Variants in ATP13A5 observed in about 807,000 individuals in gnomAD.
The protein encoded by ATP13A5 is probable cation-transporting ATPase 13A5.
ATP13A5 carries 149 observed loss-of-function variants against 150.2 expected under a neutral mutation model. The ratio of observed to expected loss-of-function variants is 0.99; its 90% CI spans 0.87 to 1.14. The LOEUF is 1.14. ATP13A5 is among the 50% of genes most tolerant of loss of function. ATP13A5 has a pLI of 0.00. For synonymous variants in ATP13A5, 497 were observed against 522.2 expected (o/e 0.95, Z 0.66); for missense variants, 1,383 against 1,449.3 (o/e 0.95, Z 0.74).
intron 26 of ATP13A5, among the ~76,000 whole-genome samples, chr3:193,288,977 C>T (rs181894830): frequency 6.3e-4 from 96 of 152,194 alleles, no homozygotes; most frequent in Non-Finnish European, 1.2e-3. Flanking sequence ...AGTATATGCA[C>T]TCCAATTTTG....
intron 7 of ATP13A5, among the ~76,000 whole-genome samples, chr3:193,347,986 C>T (rs892490715): frequency 6.6e-5 from 10 of 152,286 alleles, no homozygotes; most frequent in Non-Finnish European, 1.3e-4. Flanking sequence ...TCTGTGGATT[C>T]CTCTAGAGCC....
At chr3:193,314,305 T>C (rs777288084) in intron 18 of ATP13A5, 112 bp from the exon 19 acceptor site, 2 of 1,198,844 alleles carry the variant, frequency 1.7e-6, no homozygotes. Context: ...ATTTACCGCT[T>C]TCTGCCTTAT....
intron 25 of ATP13A5, among the ~76,000 whole-genome samples, chr3:193,295,771 A>G (rs960109873): frequency 6.6e-6 from 1 of 152,174 alleles, no homozygotes; most frequent in Non-Finnish European, 1.5e-5. Context: ...TTATTTAACT[A>G]TAAGCATGTC....
chr3:193,293,629 G>A (rs1047965963), intron 25 of ATP13A5, among the ~76,000 whole-genome samples: 8 of 152,088 alleles, frequency 5.3e-5, no homozygotes, highest in South Asian at 4.2e-4. Flanking sequence ...TGGCTATCTC[G>A]TAGTTGTGTT....
In ATP13A5 at chr3:193,374,460, T is replaced by C. The variant is rs143100434; in HGVS notation, c.63+4203A>G. ...GAGTTTGAGACCAGCCTGGAAAACG[T>C]AGGGAGACCTCGTCTCTACTGAAAT... On this transcript the variant is annotated intron_variant, in intron 1 of 29. Coordinates refer to ENST00000342358, the MANE Select transcript of ATP13A5 (RefSeq NM_198505.4). Among the ~76,000 whole-genome samples the C allele has an allele frequency of 7.6e-3, 1,157 of 152,196 alleles. 18 individuals carry two copies. Among genetic ancestry groups the C allele is most frequent in the African/African-American group, 0.027 (1,102 of 41,538 alleles).
intron 29 of ATP13A5, 127 bp from the exon 30 acceptor site, chr3:193,275,429 A>G (rs763241420): frequency 2.2e-4 from 241 of 1,077,996 alleles, no homozygotes; most frequent in Non-Finnish European, 2.9e-4. Flanking sequence ...TGTTGCATCT[A>G]CCTCTCCTTT....
intron 17 of ATP13A5, among the ~76,000 whole-genome samples, chr3:193,315,444 A>G (rs1185663812): frequency 3.9e-5 from 6 of 152,132 alleles, no homozygotes; most frequent in African/African-American, 1.2e-4. Context: ...TGAGCTTGCA[A>G]TCGTTTCAGT....
In ATP13A5 at chr3:193,307,239, G is replaced by C. The variant is rs575159089; in HGVS notation, c.2568+88C>G. 2.8e-5 allele frequency: 45 copies of C among 1,602,900 alleles called. No homozygotes were observed. In the South Asian group the frequency reaches 4.4e-4, roughly 16 times the overall value. ...ATAATCAAATGGTTGCTGGTGGAAG[G>C]ATGAAGAGACAAACCCCAGGAGAGC... On this transcript the variant is annotated intron_variant, in intron 22 of 29. Coordinates refer to ENST00000342358, the MANE Select transcript of ATP13A5 (RefSeq NM_198505.4).
chr3:193,328,752 T>C (rs575613084), intron 12 of ATP13A5, among the ~76,000 whole-genome samples: 5 of 151,858 alleles, frequency 3.3e-5, no homozygotes, highest in African/African-American at 4.8e-5. Context: ...AACAAACCAA[T>C]AGAAAATAGA....
intron 16 of ATP13A5, among the ~76,000 whole-genome samples, chr3:193,319,870 A>G (rs921406388): frequency 2.0e-5 from 3 of 152,308 alleles, no homozygotes; most frequent in Middle Eastern, 3.4e-3. Context: ...TTGATTGTTC[A>G]TTGTCTATGG....
chr3:193,363,003 T>C (rs975779152), intron 3 of ATP13A5, among the ~76,000 whole-genome samples: 2 of 152,102 alleles, frequency 1.3e-5, no homozygotes, highest in Non-Finnish European at 2.9e-5. Flanking sequence ...GGTTTTGCCA[T>C]GTTTCCCAGG....
intron 26 of ATP13A5, among the ~76,000 whole-genome samples, chr3:193,289,078 T>C (rs1389035452): frequency 1.3e-5 from 2 of 152,180 alleles, no homozygotes; most frequent in Non-Finnish European, 2.9e-5. Flanking sequence ...AATCTGATCA[T>C]TTGCTAGTTT....
intron 16 of ATP13A5, among the ~76,000 whole-genome samples, chr3:193,319,883 G>T (rs1468581337): frequency 6.6e-6 from 1 of 152,078 alleles, no homozygotes; most frequent in Non-Finnish European, 1.5e-5. Context: ...GTCTATGGCT[G>T]CTTTAAGGCT....
chr3:193,350,988 G>T (rs1237184621), intron 7 of ATP13A5, 79 bp downstream of exon 7: 6 of 1,513,654 alleles, frequency 4.0e-6, no homozygotes, highest in Non-Finnish European at 4.5e-6. Flanking sequence ...AGCAACTCCT[G>T]GCTCTCAGTG....
chr3:193,308,364 C>A (rs1341631520), intron 21 of ATP13A5, among the ~76,000 whole-genome samples: 1 of 152,070 alleles, frequency 6.6e-6, no homozygotes, highest in Non-Finnish European at 1.5e-5. Context: ...GAGGCTGAGG[C>A]AGGGGGATTG....
chr3:193,274,989 T>A lies in ATP13A5; in HGVS notation c.*53A>T. ...AGTATCATCACTTCTCCACAATGTG[T>A]TAATTTTGGGGAAAAAAGCAATGCT... On this transcript the variant is annotated 3_prime_UTR_variant, in exon 30 of 30. Coordinates refer to ENST00000342358, the MANE Select transcript of ATP13A5 (RefSeq NM_198505.4). 2 of 1,598,430 alleles carry A rather than the reference T, an allele frequency of 1.3e-6. No individual in the cohort carries two copies. Among genetic ancestry groups the A allele is most frequent in the Non-Finnish European group, 1.7e-6 (2 of 1,171,126 alleles).
chr3:193,364,429 G>T, intron 1 of ATP13A5, 149 bp from the exon 2 acceptor site: 3 of 875,954 alleles, frequency 3.4e-6, no homozygotes, highest in Non-Finnish European at 3.5e-6. Flanking sequence ...ACTGCTTGCA[G>T]CTGTCCACTG....
intron 24 of ATP13A5, among the ~76,000 whole-genome samples, chr3:193,300,411 A>G (rs537948262): frequency 1.3e-5 from 2 of 152,264 alleles, no homozygotes; most frequent in South Asian, 2.1e-4. Flanking sequence ...CTCCCAGTCC[A>G]GTTCTTGTTT....
chr3:193,344,188 T>A (rs1417901465), intron 8 of ATP13A5, 133 bp from the exon 9 acceptor site: 1 of 1,160,828 alleles, frequency 8.6e-7, no homozygotes, highest in East Asian at 2.6e-5. Flanking sequence ...AGCCCCTTTT[T>A]AGTCAATTGA....
Sources: gnomAD v4.1 joint callset for allele counts (sites outside exome capture counted in the v4.1 genomes callset) on GRCh38, gnomAD v4.1.1 for gene constraint, MANE v1.5 for transcripts, NCBI Gene and HGNC (gene_info 2026-07-23, HGNC 2026-07-21) for gene names.